Variants in NAV2 observed in about 807,000 individuals in gnomAD.
The protein encoded by NAV2 is neuron navigator 2.
Under a neutral mutation model 223.2 loss-of-function variants are expected in NAV2, and 54 were observed. The observed-to-expected ratio is 0.24, with a 90% confidence interval of 0.19 to 0.30. The LOEUF is 0.30. Among genes scored for constraint, NAV2 ranks in the 10% least tolerant of loss-of-function variants. The pLI, the probability that NAV2 is intolerant of heterozygous loss-of-function variation, is 1.00. For synonymous variants in NAV2, 1,279 were observed against 1,239.3 expected, an observed-to-expected ratio of 1.03 and a Z score of -0.67; for missense variants, 2,806 against 3,147.5, an observed-to-expected ratio of 0.89 and a Z score of 2.60.
At chr11:19,926,211 T>A (rs1403730108) in intron 6 of NAV2, among the ~76,000 whole-genome samples, 3 of 152,224 alleles carry the variant, frequency 2.0e-5, no homozygotes, top group Non-Finnish European at 4.4e-5. Flanking sequence ...TAGATCCTCA[T>A]CCTTATTCTA....
rs986338946 is a variant in NAV2, at chr11:19,984,152, C to G, written c.2673C>G (p.Leu891=). The change falls in exon 11 of 38, where the codon CTC becomes CTG. Residue 891 remains leucine (L), a synonymous_variant. Coordinates refer to ENST00000349880, the MANE Select transcript of NAV2 (RefSeq NM_145117.5). ...ACATGACTGATGGTGGACTTGGCCT[C>G]TATACCCGTCGCCTGAACCGGCTCC... ...SGYMTDGGLG[L]YTRRLNRLPD... 2 of 1,614,064 alleles carry G rather than the reference C, an allele frequency of 1.2e-6. No individual in the cohort carries two copies.
intron 3 of NAV2, among the ~76,000 whole-genome samples, chr11:19,859,159 T>TTTTTTTTTTTTTTTTA (rs2061546894): frequency 2.5e-5 from 3 of 121,882 alleles, no homozygotes; most frequent in African/African-American, 6.1e-5. Flanking sequence ...TTTTTTTTTT[T>TTTTTTTTTTTTTTTTA]ATTGATCATT....
intron 6 of NAV2, among the ~76,000 whole-genome samples, chr11:19,924,522 G>A (rs1002875309): frequency 1.3e-5 from 2 of 152,208 alleles, no homozygotes; most frequent in Admixed American, 6.5e-5. Context: ...TGGGAAATGT[G>A]TGGTTCATGC....
rs1457418131 is a variant in NAV2 at position 19,713,962 on chromosome 11, G to C, written c.267G>C (p.Gln89His). ...SGSVENGFDT[Q>H]IYTDWANHYL... ...CGGTGGAAAACGGGTTCGATACCCA[G>C]GTGAGAGATGCCGTTTGCCGGGGTA... The change falls in exon 1 of 38, where the codon CAG (glutamine) becomes CAC (histidine). Residue 89 changes from glutamine to histidine, a missense_variant and splice_region_variant. Gln to His is a conservative substitution (Grantham distance 24, BLOSUM62 0). Coordinates refer to ENST00000349880, the MANE Select transcript of NAV2 (RefSeq NM_145117.5). The surrounding 1 kb of genome is among the most constrained non-coding windows in gnomAD (Gnocchi z 7.2). 1 of 1,612,832 alleles carries C rather than the reference G, an allele frequency of 6.2e-7. No homozygotes were observed. Among genetic ancestry groups the C allele is most frequent in the Non-Finnish European group, 8.5e-7 (1 of 1,179,828 alleles).
At chr11:19,932,257 A>AGAAAAAAAAAAAAAAAAAAAAAAAAG (rs1555153010) in intron 6 of NAV2, among the ~76,000 whole-genome samples, 1 of 100,008 alleles carries the variant, frequency 1.0e-5, no homozygotes, top group Non-Finnish European at 2.0e-5. Flanking sequence ...AAAAAAAAAA[A>AGAAAAAAAAAAAAAAAAAAAAAAAAG]AAAGAAAGAA....
chr11:19,858,136 G>A (rs944655368), intron 3 of NAV2, among the ~76,000 whole-genome samples: 5 of 152,214 alleles, frequency 3.3e-5, no homozygotes, highest in South Asian at 4.1e-4. Context: ...GATTAAAGGC[G>A]TGAGCCACCA....
intron 11 of NAV2, among the ~76,000 whole-genome samples, chr11:19,999,521 A>G (rs113775566): frequency 0.031 from 4,792 of 152,200 alleles, 290 homozygotes; most frequent in African/African-American, 0.11. Context: ...GGCACCCGCC[A>G]CCATGCCTGG....
chr11:19,396,635 G>A (rs887453316), intron 1 of NAV2, among the ~76,000 whole-genome samples: 6 of 152,084 alleles, frequency 3.9e-5, no homozygotes, highest in South Asian at 4.2e-4. Flanking sequence ...GCTGGTTCTC[G>A]GGCCCTGCTC....
At chr11:19,964,529 T>C (rs2048598111) in intron 10 of NAV2, among the ~76,000 whole-genome samples, 1 of 150,524 alleles carries the variant, frequency 6.6e-6, no homozygotes, top group Admixed American at 6.6e-5. Context: ...GCTTAGGAGC[T>C]CTGTTGTGCA....
intron 1 of NAV2, chr11:19,384,773 G>C (rs1330765349): frequency 6.6e-6 from 1 of 152,240 alleles, no homozygotes; most frequent in Non-Finnish European, 1.5e-5. Flanking sequence ...ATCTGGTATG[G>C]AAGCGTTCAG....
intron 1 of NAV2, among the ~76,000 whole-genome samples, chr11:19,805,781 C>T (rs1376431218): frequency 6.6e-6 from 1 of 152,206 alleles, no homozygotes; most frequent in East Asian, 1.9e-4. Flanking sequence ...ACGTACTTCT[C>T]ATCCCCGCAA....
At chr11:19,692,079 G>A (rs1219933479) in intron 1 of NAV2, among the ~76,000 whole-genome samples, 1 of 152,158 alleles carries the variant, frequency 6.6e-6, no homozygotes, top group Non-Finnish European at 1.5e-5. Flanking sequence ...TGACATCTGT[G>A]GGCCCTCTGT....
At chr11:19,861,057 G>T (rs1463121105) in intron 3 of NAV2, among the ~76,000 whole-genome samples, 2 of 145,602 alleles carry the variant, frequency 1.4e-5, no homozygotes, top group Non-Finnish European at 3.0e-5. Context: ...GGAGGGGGAG[G>T]GGGAAAGGGA....
intron 1 of NAV2, among the ~76,000 whole-genome samples, chr11:19,796,167 T>C (rs989965957): frequency 2.0e-5 from 3 of 152,192 alleles, no homozygotes; most frequent in Non-Finnish European, 2.9e-5. Flanking sequence ...AGAGATTTCA[T>C]ACAGGGAATT....
At chr11:19,462,156 A>G (rs996915665) in intron 1 of NAV2, among the ~76,000 whole-genome samples, 2 of 152,230 alleles carry the variant, frequency 1.3e-5, no homozygotes, top group African/African-American at 2.4e-5. Context: ...TTTGAAAGCC[A>G]CTGGCTTAAC....
At chr11:19,864,325 A>G (rs1261936374) in intron 3 of NAV2, among the ~76,000 whole-genome samples, 1 of 152,108 alleles carries the variant, frequency 6.6e-6, no homozygotes, top group Non-Finnish European at 1.5e-5. Flanking sequence ...AATTATTTTC[A>G]TGCGCTTTGC....
intron 1 of NAV2, among the ~76,000 whole-genome samples, chr11:19,681,790 A>G (rs1454756833): frequency 1.3e-5 from 2 of 152,210 alleles, no homozygotes; most frequent in African/African-American, 4.8e-5. Context: ...GGTAGCTAGG[A>G]AGCCACTGTG....
rs566987019 is a variant in NAV2 at position 19,845,969 on chromosome 11, G to A, written c.438+3046G>A. ...CCCTGCCCTCAAAGAACTCAGATAAGTGGGCAAGAGACCAGAGAACAATTA... is the reference window on the plus strand; with the variant it reads ...CCCTGCCCTCAAAGAACTCAGATAAATGGGCAAGAGACCAGAGAACAATTA... On this transcript the variant is annotated intron_variant, in intron 3 of 37. Transcript: ENST00000349880. 2.6e-5 allele frequency among the ~76,000 whole-genome samples: 4 copies of A among 152,322 alleles called. No individual in the cohort carries two copies. The East Asian group carries it at 5.8e-4, about 22-fold the overall frequency.
At chr11:19,901,116 A>G (rs2042410094) in intron 6 of NAV2, among the ~76,000 whole-genome samples, 1 of 152,256 alleles carries the variant, frequency 6.6e-6, no homozygotes, top group Non-Finnish European at 1.5e-5. Context: ...ACAAATCCCC[A>G]GGCATTACAA....
Sources: allele counts gnomAD v4.1 joint callset (sites outside exome capture counted in the v4.1 genomes callset), GRCh38; gene constraint gnomAD v4.1.1; non-coding constraint Gnocchi (gnomAD v3.1); transcripts MANE v1.5; gene names NCBI Gene and HGNC (gene_info 2026-07-23, HGNC 2026-07-21).